Variants in HTR4 observed in about 807,000 individuals in gnomAD.
HTR4 encodes the protein 5-hydroxytryptamine receptor 4.
HTR4 carries 16 observed loss-of-function variants against 36.8 expected under a neutral mutation model. That is an observed-to-expected ratio of 0.43 (90% confidence interval 0.29 to 0.66). HTR4 has a LOEUF of 0.66. Ranked by LOEUF, HTR4 falls within the 30% of genes least tolerant of loss-of-function variation. HTR4 has a pLI of 0.13. For missense variants in HTR4, 438 were observed against 490.9 expected (o/e 0.89, Z 1.02); for synonymous variants, 189 against 185.1 (o/e 1.02, Z -0.17).
intron 2 of HTR4, among the ~76,000 whole-genome samples, chr5:148,574,602 G>T (rs1408305423): frequency 6.6e-6 from 1 of 152,008 alleles, no homozygotes; most frequent in Non-Finnish European, 1.5e-5. Flanking sequence ...GTCCAAGTGG[G>T]TCTACATCTG....
chr5:148,596,237 A>G (rs1340129769), intron 2 of HTR4, among the ~76,000 whole-genome samples: 1 of 152,228 alleles, frequency 6.6e-6, no homozygotes, highest in Non-Finnish European at 1.5e-5. Context: ...TCTTACTACT[A>G]GTCTCTGAAT....
chr5:148,560,054 T>C lies in HTR4; in HGVS notation c.27-9792A>G, dbSNP rs867068001. Among the ~76,000 whole-genome samples the C allele has an allele frequency of 1.9e-3, 285 of 152,256 alleles. 1 individual carries two copies. Among genetic ancestry groups the C allele is most frequent in the African/African-American group, 6.6e-3 (273 of 41,556 alleles). ...TAGATGTTACACTTATTTGAAATCC[T>C]ATATTTTGACTTAAGTGGAAATCCT... On this transcript the variant is annotated intron_variant, in intron 2 of 6. Transcript: ENST00000377888.
At chr5:148,535,895 G>C (rs534581888) in intron 4 of HTR4, among the ~76,000 whole-genome samples, 112 of 152,116 alleles carry the variant, frequency 7.4e-4, no homozygotes, top group African/African-American at 2.7e-3. Flanking sequence ...ACTCCTGCAA[G>C]ATTCTACACA....
At chr5:148,582,819 T>G (rs1039202946) in intron 2 of HTR4, among the ~76,000 whole-genome samples, 12 of 152,156 alleles carry the variant, frequency 7.9e-5, no homozygotes, top group African/African-American at 2.9e-4. Context: ...GCTTATCAGC[T>G]TAAGGAGATT....
chr5:148,598,531 G>T (rs913525327), intron 2 of HTR4, among the ~76,000 whole-genome samples: 3 of 151,862 alleles, frequency 2.0e-5, no homozygotes, highest in African/African-American at 7.3e-5. Flanking sequence ...CAGCCTGGGT[G>T]ACAGAGTGAG....
intron 2 of HTR4, among the ~76,000 whole-genome samples, chr5:148,560,033 T>C (rs1760125026): frequency 6.6e-6 from 1 of 152,096 alleles, no homozygotes; most frequent in South Asian, 2.1e-4. Flanking sequence ...GTGTTCTAGA[T>C]GTTACACTTA....
chr5:148,597,939 T>C (rs1761844316), intron 2 of HTR4, among the ~76,000 whole-genome samples: 1 of 152,220 alleles, frequency 6.6e-6, no homozygotes, highest in Non-Finnish European at 1.5e-5. Flanking sequence ...CAAATGGATT[T>C]TTAAAAGTAG....
At chr5:148,648,475 T>C (rs1753938249) in intron 1 of HTR4, among the ~76,000 whole-genome samples, 1 of 152,176 alleles carries the variant, frequency 6.6e-6, no homozygotes, top group African/African-American at 2.4e-5. Flanking sequence ...GGATGTTGTG[T>C]CTGGGTTGCC....
At chr5:148,562,240 G>A (rs951828001) in intron 2 of HTR4, among the ~76,000 whole-genome samples, 2 of 152,168 alleles carry the variant, frequency 1.3e-5, no homozygotes, top group African/African-American at 2.4e-5. Flanking sequence ...TTCATGGCCC[G>A]AAGAGAAACT....
intron 2 of HTR4, among the ~76,000 whole-genome samples, chr5:148,634,335 G>A (rs540834394): frequency 3.4e-4 from 51 of 152,236 alleles, no homozygotes; most frequent in African/African-American, 1.1e-3. Context: ...AGACATCTCA[G>A]CAATGTATAC....
At chr5:148,460,354 C>T (rs1329606701) in intron 5 of HTR4, among the ~76,000 whole-genome samples, 2 of 151,970 alleles carry the variant, frequency 1.3e-5, no homozygotes, top group East Asian at 1.9e-4. Flanking sequence ...TTTCATTTTC[C>T]AACTAAAGAA....
At chr5:148,505,288 T>C (rs891827066) in intron 6 of HTR4, among the ~76,000 whole-genome samples, 1 of 152,152 alleles carries the variant, frequency 6.6e-6, no homozygotes, top group Non-Finnish European at 1.5e-5. Flanking sequence ...ATTATCTCAA[T>C]AGATGCAGAA....
intron 6 of HTR4, among the ~76,000 whole-genome samples, chr5:148,506,571 T>A (rs1214293075): frequency 2.6e-5 from 4 of 151,960 alleles, no homozygotes; most frequent in Non-Finnish European, 5.9e-5. Context: ...GAAACTACCA[T>A]CAGAGTGAAC....
In HTR4 at chr5:148,564,349, C is replaced by T. The variant is rs138267594; in HGVS notation, c.27-14087G>A. Among the ~76,000 whole-genome samples the T allele has an allele frequency of 8.5e-4, 129 of 152,262 alleles. 1 individual carries two copies. In the East Asian group the frequency reaches 0.02, roughly 24 times the overall value. On this transcript the variant is annotated intron_variant, in intron 2 of 6. Transcript: ENST00000377888. ...ATCCTGACCTCAATATTGTCCCTGT[C>T]GTATATGCTTCCATTGTACCCTATA...
At chr5:148,633,412 G>A (rs1307030104) in intron 2 of HTR4, among the ~76,000 whole-genome samples, 1 of 151,446 alleles carries the variant, frequency 6.6e-6, no homozygotes, top group African/African-American at 2.4e-5. Context: ...TAAGTTTTAG[G>A]GTACATGTGC....
chr5:148,626,586 C>A (rs1184456816), intron 2 of HTR4, among the ~76,000 whole-genome samples: 44 of 152,316 alleles, frequency 2.9e-4, no homozygotes, highest in Non-Finnish European at 8.8e-5. Context: ...CTCTCATAAG[C>A]TTCCTGAGTT....
intron 2 of HTR4, among the ~76,000 whole-genome samples, chr5:148,567,208 AT>A (rs1216985050): frequency 6.6e-6 from 1 of 152,062 alleles, no homozygotes. Flanking sequence ...AACTTCAATA[AT>A]TTTTTTTAAA....
intron 3 of HTR4, among the ~76,000 whole-genome samples, chr5:148,549,083 CA>C (rs1265602068): frequency 2.6e-5 from 4 of 152,162 alleles, no homozygotes; most frequent in Admixed American, 1.3e-4. Context: ...CAGCGTGGTC[CA>C]GCCTCTCCTG....
chr5:148,523,085 A>G, intron 5 of HTR4, 108 bp downstream of exon 5: 1 of 1,088,302 alleles, frequency 9.2e-7, no homozygotes, highest in Non-Finnish European at 1.3e-6. Context: ...TATCACCCAG[A>G]CCACTATCAG....
Sources: gnomAD v4.1 joint callset for allele counts (sites outside exome capture counted in the v4.1 genomes callset) on GRCh38, gnomAD v4.1.1 for gene constraint, MANE v1.5 for transcripts, NCBI Gene and HGNC (gene_info 2026-07-23, HGNC 2026-07-21) for gene names.